Variants in AGAP1 observed in about 807,000 individuals in gnomAD.
The protein encoded by AGAP1 is arf-GAP with GTPase, ANK repeat and PH domain-containing protein 1.
AGAP1 carries 29 observed loss-of-function variants against 105.3 expected under a neutral mutation model. The ratio of observed to expected loss-of-function variants is 0.28; its 90% CI spans 0.21 to 0.38. AGAP1 has a LOEUF of 0.38. Ranked by LOEUF, AGAP1 falls within the 10% of genes least tolerant of loss-of-function variation. The probability of loss-of-function intolerance (pLI) is 1.00; values close to 1 mark genes in which losing one functional copy is unlikely to be tolerated. For synonymous variants in AGAP1, 509 were observed against 485.9 expected, an observed-to-expected ratio of 1.05 and a Z score of -0.63; for missense variants, 998 against 1,165.1, an observed-to-expected ratio of 0.86 and a Z score of 2.09.
rs543810269 is a variant in AGAP1 at position 235,689,989 on chromosome 2, C to T, written c.164-19190C>T. Among the ~76,000 whole-genome samples the T allele has an allele frequency of 2.0e-5, 3 of 152,166 alleles. No individual in the cohort carries two copies. The highest frequency in any genetic ancestry group is 2.1e-4 in the South Asian group (1 of 4,826). On this transcript the variant is annotated intron_variant, in intron 1 of 17. Transcript: ENST00000304032. The surrounding 1 kb of genome is among the most constrained non-coding windows in gnomAD (Gnocchi z 4.2). Reference sequence around the variant, plus strand: ...ATTTTTTCAGATGGTAAATAGATCGCGTTGTTGCATGCGTTTGATGAAAGT... The same window carrying T: ...ATTTTTTCAGATGGTAAATAGATCGTGTTGTTGCATGCGTTTGATGAAAGT...
In AGAP1 at chr2:235,753,205, G is replaced by A. The variant is rs899307713; in HGVS notation, c.673+2717G>A. The stretch of plus-strand genomic sequence containing the variant: ...CCCACCTCTGTGTTGGAAGCATTTC[G>A]TTTTCTTCAGGTTGGGGGTGGCAAG... On this transcript the variant is annotated intron_variant, in intron 6 of 17. Coordinates refer to ENST00000304032, the MANE Select transcript of AGAP1 (RefSeq NM_001037131.3). The surrounding 1 kb of genome is among the most constrained non-coding windows in gnomAD (Gnocchi z 4.5). Among the ~76,000 whole-genome samples, 2 of 152,154 alleles carry A rather than the reference G, an allele frequency of 1.3e-5. No individual in the cohort carries two copies. Among genetic ancestry groups the A allele is most frequent in the Non-Finnish European group, 2.9e-5 (2 of 68,040 alleles).
Position 235,692,306 on chromosome 2 carries a change from C to G in AGAP1, c.164-16873C>G, listed in dbSNP as rs1233610651. Among the ~76,000 whole-genome samples the G allele has an allele frequency of 6.6e-6, 1 of 152,136 alleles. No homozygotes were observed. The highest frequency in any genetic ancestry group is 1.5e-5 in the Non-Finnish European group (1 of 68,032). ...GAACGTGGCCCCTGCCTTCCATCTTCCCCAGGGTGCCAGTGGGGACCTTGC... is the reference window on the plus strand; with the variant it reads ...GAACGTGGCCCCTGCCTTCCATCTTGCCCAGGGTGCCAGTGGGGACCTTGC... On this transcript the variant is annotated intron_variant, in intron 1 of 17. Coordinates refer to ENST00000304032, the MANE Select transcript of AGAP1 (RefSeq NM_001037131.3). This position sits in a 1 kb window ranked among gnomAD's most constrained non-coding sequence, Gnocchi z 5.8.
At chr2:235,505,883 T>A (rs1214094793) in intron 1 of AGAP1, 1 of 151,670 alleles carries the variant, frequency 6.6e-6, no homozygotes, top group African/African-American at 2.4e-5. Context: ...TACTACTGAT[T>A]ATGGATCCTG....
rs901468542 is a variant in AGAP1, at chr2:236,036,414, C to T, written c.1646-147C>T. The T allele has an allele frequency of 8.5e-6, 9 of 1,064,152 alleles. No individual in the cohort carries two copies. Among genetic ancestry groups the T allele is most frequent in the Non-Finnish European group, 1.2e-5 (9 of 739,890 alleles). The allele number at this position is 1,064,152 out of a possible 1,614,324, so 65.9% of individuals were successfully genotyped here. ...TGTTGGGAGGTGCATGGATTCAAAT[C>T]TCCGCCGCCGTGGTTGTCCAGTGCC... On this transcript the variant is annotated intron_variant, in intron 13 of 17. Transcript: ENST00000304032. The surrounding 1 kb of genome is among the most constrained non-coding windows in gnomAD (Gnocchi z 5.7).
At chr2:235,627,447 A>T (rs551956083) in intron 1 of AGAP1, among the ~76,000 whole-genome samples, 2 of 151,392 alleles carry the variant, frequency 1.3e-5, no homozygotes, top group African/African-American at 4.8e-5. Context: ...CTGGTCTCGA[A>T]CTCCTGATCT....
Position 235,536,839 on chromosome 2 carries a change from AGT to A in AGAP1, c.163+41997_163+41998del, listed in dbSNP as rs367928501. Among the ~76,000 whole-genome samples, 410 of 152,314 alleles carry A rather than the reference AGT, an allele frequency of 2.7e-3. 3 individuals carry two copies. Among genetic ancestry groups the A allele is most frequent in the African/African-American group, 9.7e-3 (402 of 41,564 alleles). ...TTTTTAATCTCTGTGGCTGGAGGAC[AGT>A]GTGTGTCACCTTTTCTTAGTTTCCA... On this transcript the variant is annotated intron_variant, in intron 1 of 17. Coordinates refer to ENST00000304032, the MANE Select transcript of AGAP1 (RefSeq NM_001037131.3).
chr2:235,820,984 A>G (rs1958756503), intron 9 of AGAP1, among the ~76,000 whole-genome samples: 1 of 152,210 alleles, frequency 6.6e-6, no homozygotes, highest in African/African-American at 2.4e-5. Context: ...AGGGCAATCT[A>G]ACAGTCATAC....
chr2:235,602,219 G>A (rs115681102), intron 1 of AGAP1, among the ~76,000 whole-genome samples: 385 of 152,288 alleles, frequency 2.5e-3, no homozygotes, highest in African/African-American at 8.6e-3. Flanking sequence ...ATATTTCAGC[G>A]AGCACAAATA....
At chr2:235,594,895 T>TTG (rs1217588834) in intron 1 of AGAP1, among the ~76,000 whole-genome samples, 20 of 151,112 alleles carry the variant, frequency 1.3e-4, no homozygotes, top group African/African-American at 4.4e-4. Flanking sequence ...TTTTTTTTTT[T>TTG]TTTTTTTTTT....
rs1169569705 is a variant in AGAP1 at position 235,787,424 on chromosome 2, G to C, written c.674-10335G>C. On this transcript the variant is annotated intron_variant, in intron 6 of 17. Coordinates refer to ENST00000304032, the MANE Select transcript of AGAP1 (RefSeq NM_001037131.3). The surrounding 1 kb of genome is among the most constrained non-coding windows in gnomAD (Gnocchi z 4.4). ...TTATTCCTTCTTTGTCTGCATCATA[G>C]ACACACGCCTCTCTTTATAGCACTT... 6.6e-6 allele frequency among the ~76,000 whole-genome samples: 1 copy of C among 152,096 alleles called. No homozygotes were observed. The highest frequency in any genetic ancestry group is 2.4e-5 in the African/African-American group (1 of 41,416).
chr2:235,747,161 C>T lies in AGAP1; in HGVS notation c.538+2322C>T, dbSNP rs1953022140. Among the ~76,000 whole-genome samples, 1 of 152,096 alleles carries T rather than the reference C, an allele frequency of 6.6e-6. No homozygotes were observed. Among genetic ancestry groups the T allele is most frequent in the South Asian group, 2.1e-4 (1 of 4,828 alleles). On this transcript the variant is annotated intron_variant, in intron 5 of 17. Coordinates refer to ENST00000304032, the MANE Select transcript of AGAP1 (RefSeq NM_001037131.3). This position sits in a 1 kb window ranked among gnomAD's most constrained non-coding sequence, Gnocchi z 5.0. ...GTCCTGCCTGGAATCCTGAACCCCA[C>T]CCCCCACTGTCCCTGCCCCTGGAGG...
At position 236,076,175 on chromosome 2, in the gene AGAP1, C is replaced by T. The variant is rs180746984; in HGVS notation, c.2114+26894C>T. Among the ~76,000 whole-genome samples the T allele has an allele frequency of 6.6e-6, 1 of 152,308 alleles. No homozygotes were observed. ...AGTTTTTTAAAGTCTTGAGGCGGGG[C>T]GCCGTGGCTCATGCCTGTAATCCCA... is the stretch of plus-strand genomic sequence containing the variant. On this transcript the variant is annotated intron_variant, in intron 16 of 17. Transcript: ENST00000304032. The surrounding 1 kb of genome is among the most constrained non-coding windows in gnomAD (Gnocchi z 4.4).
At chr2:235,984,778 G>A (rs1227009050) in intron 13 of AGAP1, among the ~76,000 whole-genome samples, 2 of 152,062 alleles carry the variant, frequency 1.3e-5, no homozygotes, top group Non-Finnish European at 2.9e-5. Flanking sequence ...CAAAGGACAT[G>A]ATCTCATTCC....
chr2:236,112,365 A>G (rs62189430), intron 16 of AGAP1, among the ~76,000 whole-genome samples: 13,235 of 151,864 alleles, frequency 0.087, 775 homozygotes, highest in Middle Eastern at 0.18. Flanking sequence ...GCAGTGAGCC[A>G]AGATTGTGCC....
Position 235,904,706 on chromosome 2 carries a change from A to T in AGAP1, c.1156-4032A>T, listed in dbSNP as rs1039585940. Among the ~76,000 whole-genome samples, 1 of 152,112 alleles carries T rather than the reference A, an allele frequency of 6.6e-6. No homozygotes were observed. The highest frequency in any genetic ancestry group is 1.5e-5 in the Non-Finnish European group (1 of 68,030). On this transcript the variant is annotated intron_variant, in intron 10 of 17. Coordinates refer to ENST00000304032, the MANE Select transcript of AGAP1 (RefSeq NM_001037131.3). This position sits in a 1 kb window ranked among gnomAD's most constrained non-coding sequence, Gnocchi z 4.2. ...CAGCCCCTTGACTTCTACGGAGGAC[A>T]TTGTTTAGTGGTTGTAGCTTTAATT...
rs150066149 is a variant in AGAP1 at position 235,525,218 on chromosome 2, C to T, written c.163+30369C>T. ...TGATCTTAAGCAAATGTCTCCAATA[C>T]GAGAAAAAGAGGACTGATTTATAAA... On this transcript the variant is annotated intron_variant, in intron 1 of 17. Transcript: ENST00000304032. Among the ~76,000 whole-genome samples the T allele has an allele frequency of 1.8e-3, 270 of 152,176 alleles. 1 individual carries two copies. The highest frequency in any genetic ancestry group is 6.2e-3 in the African/African-American group (257 of 41,510).
intron 9 of AGAP1, among the ~76,000 whole-genome samples, chr2:235,848,973 C>T (rs1386564958): frequency 6.6e-6 from 1 of 152,178 alleles, no homozygotes; most frequent in Non-Finnish European, 1.5e-5. Context: ...TGGAGGTATC[C>T]TGGCCATGTT....
At position 235,845,757 on chromosome 2, in the gene AGAP1, G is replaced by A. The variant is rs1180740437; in HGVS notation, c.1051-37588G>A. Among the ~76,000 whole-genome samples, 2 of 152,024 alleles carry A rather than the reference G, an allele frequency of 1.3e-5. No homozygotes were observed. The highest frequency in any genetic ancestry group is 6.6e-5 in the Admixed American group (1 of 15,264). Reference sequence around the variant, plus strand: ...TAACCTTCTCCAGCTGCTCCGAGATGGTCACCAAGTCCTTCTTCCCTTTCT... The same window carrying A: ...TAACCTTCTCCAGCTGCTCCGAGATAGTCACCAAGTCCTTCTTCCCTTTCT... On this transcript the variant is annotated intron_variant, in intron 9 of 17. Transcript: ENST00000304032. The surrounding 1 kb of genome is among the most constrained non-coding windows in gnomAD (Gnocchi z 4.8).
intron 6 of AGAP1, among the ~76,000 whole-genome samples, chr2:235,762,860 G>A (rs920843948): frequency 6.6e-6 from 1 of 152,102 alleles, no homozygotes; most frequent in African/African-American, 2.4e-5. Flanking sequence ...GAGACAGAGT[G>A]AGACTCCATC....
Sources: gnomAD v4.1 joint callset for allele counts (sites outside exome capture counted in the v4.1 genomes callset) on GRCh38, gnomAD v4.1.1 for gene constraint, Gnocchi (gnomAD v3.1) non-coding constraint, MANE v1.5 for transcripts, NCBI Gene and HGNC (gene_info 2026-07-23, HGNC 2026-07-21) for gene names.